The following MYH15 variants were observed in gnomAD, a reference collection of about 807,000 sequenced individuals.
The protein encoded by MYH15 is myosin heavy chain 15.
Under a neutral mutation model 240.5 loss-of-function variants are expected in MYH15, and 227 were observed. The observed-to-expected ratio is 0.94, with a 90% CI of 0.85 to 1.05. MYH15 has a LOEUF of 1.05. MYH15 is among the 50% of genes least tolerant of loss of function. The pLI, the probability that MYH15 is intolerant of heterozygous loss-of-function variation, is 0.00. For missense variants in MYH15, 2,217 were observed against 2,247.5 expected, an observed-to-expected ratio of 0.99 and a Z score of 0.27; for synonymous variants, 785 against 796.7, an observed-to-expected ratio of 0.99 and a Z score of 0.25.
chr3:108,538,526 C>A, the MYH15 span, among the ~76,000 whole-genome samples: 1 of 152,146 alleles, frequency 6.6e-6, no homozygotes, highest in African/African-American at 2.4e-5. Context: ...ATGTTAACAG[C>A]ATACACTTCA....
rs959061059 is a variant in MYH15, at chr3:108,417,810, C to T, written c.3830-880G>A. On this transcript the variant is annotated intron_variant, in intron 28 of 40. Coordinates refer to ENST00000693548, the MANE Select transcript of MYH15 (RefSeq NM_014981.3). ...GTATATATATATACACACACACACA[C>T]ACACACACACACACACATATACACA... 4.1e-3 allele frequency among the ~76,000 whole-genome samples: 627 copies of T among 151,952 alleles called. 3 individuals are homozygous for T. The highest frequency in any genetic ancestry group is 0.013 in the African/African-American group (531 of 41,432).
At chr3:108,392,446 AG>A (rs1224542670) in intron 36 of MYH15, among the ~76,000 whole-genome samples, 2 of 152,176 alleles carry the variant, frequency 1.3e-5, no homozygotes, top group Non-Finnish European at 2.9e-5. Flanking sequence ...GGCAAGAAAA[AG>A]GTTAATTGTG....
chr3:108,400,103 T>G (rs1430237108), intron 33 of MYH15, among the ~76,000 whole-genome samples: 3 of 152,188 alleles, frequency 2.0e-5, no homozygotes, highest in Non-Finnish European at 4.4e-5. Flanking sequence ...CATAGAAATG[T>G]TCACTTGTGA....
In MYH15 at chr3:108,430,885, C is replaced by CAGT. The variant is rs1349014979; in HGVS notation, c.3258_3259insACT (p.Val1086_Glu1087insThr). The CAGT allele has an allele frequency of 4.3e-6, 7 of 1,612,308 alleles. No individual in the cohort carries two copies. Among genetic ancestry groups the CAGT allele is most frequent in the Non-Finnish European group, 5.1e-6 (6 of 1,179,684 alleles). The stretch of plus-strand genomic sequence containing the variant: ...TGAGCTACCAGGCCTTTCTCATTCT[C>CAGT]CACTTTTGAATTCATCTGACTCAAT... On this transcript the variant is annotated inframe_insertion, in exon 26 of 41. Coordinates refer to ENST00000693548, the MANE Select transcript of MYH15 (RefSeq NM_014981.3).
intron 1 of MYH15, among the ~76,000 whole-genome samples, chr3:108,521,040 G>T (rs973836914): frequency 6.6e-6 from 1 of 152,052 alleles, no homozygotes; most frequent in African/African-American, 2.4e-5. Flanking sequence ...GAGCCTAGAT[G>T]TTGAGCTTCA....
Position 108,398,846 on chromosome 3 carries a change from A to G in MYH15, c.4930-6T>C, listed in dbSNP as rs1331544037. 1.9e-6 allele frequency: 3 copies of G among 1,613,896 alleles called. No homozygotes were observed. The highest frequency in any genetic ancestry group is 2.7e-5 in the African/African-American group (2 of 74,912). ...TCCAGCTGCATTTGAAGGTCCTGGG[A>G]GAGAAAAGATGGGTCTGGAGTACAG... On this transcript the variant is annotated splice_region_variant and splice_polypyrimidine_tract_variant and intron_variant, in intron 34 of 40. Transcript: ENST00000693548.
intron 32 of MYH15, among the ~76,000 whole-genome samples, chr3:108,407,472 CATG>C (rs1366424175): frequency 6.6e-6 from 1 of 152,176 alleles, no homozygotes; most frequent in Non-Finnish European, 1.5e-5. Context: ...ACCTAAGAAT[CATG>C]ATAAGATGAC....
At chr3:108,495,728 C>T in intron 7 of MYH15, 52 bp downstream of exon 7, 1 of 1,413,624 alleles carries the variant, frequency 7.1e-7, no homozygotes, top group East Asian at 2.3e-5. Context: ...ATAAGTTTTA[C>T]CATTGCTTAC....
At chr3:108,407,648 T>C (rs926632967) in intron 32 of MYH15, among the ~76,000 whole-genome samples, 1 of 152,212 alleles carries the variant, frequency 6.6e-6, no homozygotes, top group Non-Finnish European at 1.5e-5. Context: ...CAGAAACAAA[T>C]GTTTGACAAC....
intron 15 of MYH15, among the ~76,000 whole-genome samples, 194 bp from the exon 16 acceptor site, chr3:108,463,437 C>T (rs376667903): frequency 1.3e-5 from 2 of 152,042 alleles, no homozygotes; most frequent in Admixed American, 6.6e-5. Flanking sequence ...CCCTCAGCCT[C>T]CAGAGTAGCT....
At chr3:108,516,950 C>T (rs1159663084) in intron 1 of MYH15, among the ~76,000 whole-genome samples, 1 of 152,168 alleles carries the variant, frequency 6.6e-6, no homozygotes, top group Non-Finnish European at 1.5e-5. Flanking sequence ...TGGGATGTGG[C>T]TTTTCCTCCC....
At chr3:108,477,320 G>A (rs1450841121) in intron 11 of MYH15, among the ~76,000 whole-genome samples, 3 of 152,106 alleles carry the variant, frequency 2.0e-5, no homozygotes, top group African/African-American at 7.2e-5. Context: ...CTGAGGAGAA[G>A]CAAAAATCAA....
In MYH15 at chr3:108,470,084, G is replaced by A. The variant is rs1424861223; in HGVS notation, c.1512C>T (p.Gly504=). The A allele has an allele frequency of 6.2e-7, 1 of 1,610,608 alleles. No homozygotes were observed. The highest frequency in any genetic ancestry group is 1.7e-5 in the Admixed American group (1 of 59,318). Residue 504 remains glycine (G), a synonymous_variant, in exon 14 of 41, where the codon GGC becomes GGT. Coordinates refer to ENST00000693548, the MANE Select transcript of MYH15 (RefSeq NM_014981.3). ...KKESIEWVSI[G]FGLDLQACID... is the part of the protein sequence containing the mutation. ...TGCAAGCTTGCAAATCCAGACCAAA[G>A]CCAATAGACACCCATTCAATGCTTT...
At chr3:108,543,085 T>C in the MYH15 span, among the ~76,000 whole-genome samples, 1 of 152,162 alleles carries the variant, frequency 6.6e-6, no homozygotes, top group Non-Finnish European at 1.5e-5. Context: ...TTCACCATGT[T>C]GTCCAGGATG....
In MYH15 at chr3:108,486,501, G is replaced by A; in HGVS notation, c.897C>T (p.Pro299=). The A allele has an allele frequency of 6.2e-7, 1 of 1,611,732 alleles. No individual in the cohort carries two copies. Among genetic ancestry groups the A allele is most frequent in the Non-Finnish European group, 8.5e-7 (1 of 1,178,308 alleles). The change falls in exon 10 of 41, where the codon CCC becomes CCT. Residue 299 remains proline (P), a synonymous_variant. Coordinates refer to ENST00000693548, the MANE Select transcript of MYH15 (RefSeq NM_014981.3). ...CACAGGAGCAAAAGTGGAAGTCTGA[G>A]GGATTTGCAGATACCAGGAGCAGGT... ...LHDLLLVSAN[P]SDFHFCSCGA...
chr3:108,466,424 C>T (rs1314363134), intron 14 of MYH15, among the ~76,000 whole-genome samples: 9 of 152,120 alleles, frequency 5.9e-5, no homozygotes, highest in Admixed American at 2.6e-4. Flanking sequence ...CAGCATTTTA[C>T]GCAGAGTCTT....
At chr3:108,419,185 G>T (rs903216529) in intron 28 of MYH15, among the ~76,000 whole-genome samples, 3 of 152,090 alleles carry the variant, frequency 2.0e-5, no homozygotes, top group Non-Finnish European at 4.4e-5. Flanking sequence ...ACAGAACAGG[G>T]CATGAGAAAG....
At chr3:108,400,773 C>T (rs2082498159) in intron 33 of MYH15, among the ~76,000 whole-genome samples, 1 of 152,116 alleles carries the variant, frequency 6.6e-6, no homozygotes, top group African/African-American at 2.4e-5. Context: ...TGCACCACTG[C>T]ACTCCAGCCT....
At chr3:108,544,386 T>C in the MYH15 span, among the ~76,000 whole-genome samples, 1 of 152,140 alleles carries the variant, frequency 6.6e-6, no homozygotes, top group Non-Finnish European at 1.5e-5. Flanking sequence ...AGAACTAACC[T>C]TACAAAGAAA....
Sources: gnomAD v4.1 joint callset for allele counts (sites outside exome capture counted in the v4.1 genomes callset) on GRCh38, gnomAD v4.1.1 for gene constraint, MANE v1.5 for transcripts, NCBI Gene and HGNC (gene_info 2026-07-23, HGNC 2026-07-21) for gene names.